Variants in TMEM132A observed in about 807,000 individuals in gnomAD.
TMEM132A encodes the protein transmembrane protein 132A, also known as GRP78-binding protein.
In TMEM132A, 48 loss-of-function variants were observed where a neutral mutation model predicts 69.9. The observed-to-expected ratio is 0.69, with a 90% CI of 0.55 to 0.87. The LOEUF is 0.87. Among genes scored for constraint, TMEM132A ranks in the 40% least tolerant of loss-of-function variants. The pLI is 0.00. For missense variants in TMEM132A, 1,287 were observed against 1,407.2 expected (o/e 0.91, Z 1.37); for synonymous variants, 577 against 613.7 (o/e 0.94, Z 0.88).
intron 3 of TMEM132A, among the ~76,000 whole-genome samples, chr11:60,928,274 G>A (rs1042320963): frequency 1.3e-5 from 2 of 152,168 alleles, no homozygotes; most frequent in Non-Finnish European, 2.9e-5. Context: ...GTCTAGCACA[G>A]GAATCCATGG....
At position 60,930,594 on chromosome 11, in the gene TMEM132A, G is replaced by A; in HGVS notation, c.951G>A (p.Lys317=). The part of the protein sequence containing the change: ...TLWTAKLDRF[K]GSRHHTTLIT... Reference sequence around the variant, plus strand: ...GGACTGCCAAGCTGGACCGCTTCAAGGGCTCCAGGCACCACACCACCCTCA... The same window carrying A: ...GGACTGCCAAGCTGGACCGCTTCAAAGGCTCCAGGCACCACACCACCCTCA... Residue 317 remains lysine (K), a synonymous_variant, in exon 5 of 11, where the codon AAG becomes AAA. Transcript: ENST00000453848. The A allele has an allele frequency of 6.2e-7, 1 of 1,613,554 alleles. No homozygotes were observed. The highest frequency in any genetic ancestry group is 8.5e-7 in the Non-Finnish European group (1 of 1,179,810).
Position 60,931,673 on chromosome 11 carries a change from C to A in TMEM132A, c.1017-16C>A. ...GCTAGCAAGCATTTGGCTTCTCTGTCTCCTTTGGCCAGCAGTCCCCTTGAA... is the reference window on the plus strand; with the variant it reads ...GCTAGCAAGCATTTGGCTTCTCTGTATCCTTTGGCCAGCAGTCCCCTTGAA... On this transcript the variant is annotated splice_polypyrimidine_tract_variant and intron_variant, in intron 5 of 10. Transcript: ENST00000453848. 1 of 1,593,098 alleles carries A rather than the reference C, an allele frequency of 6.3e-7. No homozygotes were observed.
In TMEM132A at chr11:60,928,927, G is replaced by A. The variant is rs61751216; in HGVS notation, c.833G>A (p.Arg278Gln). The A allele has an allele frequency of 0.032, 50,839 of 1,612,602 alleles. 994 individuals carry two copies. Among genetic ancestry groups the A allele is most frequent in the Non-Finnish European group, 0.039 (45,431 of 1,180,004 alleles). The change falls in exon 4 of 11, where the codon CGG becomes CAG. Residue 278 changes from arginine (R) to glutamine (Q), a missense_variant. Physicochemically the swap from Arg to Gln is conservative, Grantham distance 43 (BLOSUM62 1). Coordinates refer to ENST00000453848, the MANE Select transcript of TMEM132A (RefSeq NM_178031.3). Reference sequence around the variant, plus strand: ...CTCTTTAGTGCTACCCTCCTGCTTCGGCACAACTTCACAGCCAGCCTCCTG... The same window carrying A: ...CTCTTTAGTGCTACCCTCCTGCTTCAGCACAACTTCACAGCCAGCCTCCTG... Reference protein sequence around the residue: ...GQLFSATLLLRHNFTASLLTL... With the variant: ...GQLFSATLLLQHNFTASLLTL...
chr11:60,924,537 G>C lies in TMEM132A; in HGVS notation c.-97G>C. 1 of 900,388 alleles carries C rather than the reference G, an allele frequency of 1.1e-6. No homozygotes were observed. Among genetic ancestry groups the C allele is most frequent in the East Asian group, 3.4e-5 (1 of 29,056 alleles). The allele number at this position is 900,388 out of a possible 1,614,324, so 55.8% of individuals were successfully genotyped here. A position where few individuals can be genotyped will look rare whatever the true frequency, so the allele number is the denominator to read the frequency against. On this transcript the variant is annotated 5_prime_UTR_variant, in exon 1 of 11. Transcript: ENST00000453848. Reference sequence around the variant, plus strand: ...GCGGCGGCGGCGGCCGGGACCCAGCGGGCCAGGTGGGGACGGCGCGGAGCG... The same window carrying C: ...GCGGCGGCGGCGGCCGGGACCCAGCCGGCCAGGTGGGGACGGCGCGGAGCG...
At position 60,934,531 on chromosome 11, in the gene TMEM132A, C is replaced by T; in HGVS notation, c.1603C>T (p.Arg535Cys). 5.5e-6 allele frequency: 8 copies of T among 1,461,492 alleles called. No individual in the cohort carries two copies. The highest frequency in any genetic ancestry group is 2.4e-4 in the Middle Eastern group (1 of 4,104). 90.5% of individuals were successfully genotyped at this position (1,461,492 alleles called of 1,614,324 possible). A position where few individuals can be genotyped will look rare whatever the true frequency, so the allele number is the denominator to read the frequency against. Residue 535 changes from arginine (R) to cysteine (C), a missense_variant, in exon 9 of 11, where the codon CGC (arginine) becomes TGC (cysteine). Arg to Cys is a radical substitution (Grantham distance 180, BLOSUM62 -3). Transcript: ENST00000453848. The part of the protein sequence containing the change: ...AAEASDEAER[R>C]ARGCHLQYQR... ...AGAGGCGTCGGATGAGGCCGAGCGG[C>T]GCGCCCGTGGCTGCCACCTGCAGTA... is the stretch of plus-strand genomic sequence containing the variant.
rs760709506 is a variant in TMEM132A at position 60,935,819 on chromosome 11, G to T, written c.2029-45G>T. Reference sequence around the variant, plus strand: ...GTGGGAGTGGTTTCTCTGTGCATGCGTGCGTGCCCTCGCATGTCTCTGCCT... The same window carrying T: ...GTGGGAGTGGTTTCTCTGTGCATGCTTGCGTGCCCTCGCATGTCTCTGCCT... On this transcript the variant is annotated intron_variant, in intron 10 of 10. Coordinates refer to ENST00000453848, the MANE Select transcript of TMEM132A (RefSeq NM_178031.3). This position sits in a 1 kb window ranked among gnomAD's most constrained non-coding sequence, Gnocchi z 5.0. 6.3e-6 allele frequency: 10 copies of T among 1,598,082 alleles called. No individual in the cohort carries two copies. Among genetic ancestry groups the T allele is most frequent in the Non-Finnish European group, 8.5e-6 (10 of 1,173,530 alleles).
At chr11:60,934,041 C>A in intron 8 of TMEM132A, 1 of 474,824 alleles carries the variant, frequency 2.1e-6, no homozygotes, top group Non-Finnish European at 3.7e-6. Flanking sequence ...GCTCCTCCCC[C>A]GAGAATGTCA....
chr11:60,924,540 C>A lies in TMEM132A; in HGVS notation c.-94C>A. ...GCGGCGGCGGCCGGGACCCAGCGGGCCAGGTGGGGACGGCGCGGAGCGGGT... is the reference window on the plus strand; with the variant it reads ...GCGGCGGCGGCCGGGACCCAGCGGGACAGGTGGGGACGGCGCGGAGCGGGT... On this transcript the variant is annotated 5_prime_UTR_variant, in exon 1 of 11. Coordinates refer to ENST00000453848, the MANE Select transcript of TMEM132A (RefSeq NM_178031.3). 2.0e-6 allele frequency: 2 copies of A among 993,054 alleles called. No homozygotes were observed. The highest frequency in any genetic ancestry group is 2.8e-6 in the Non-Finnish European group (2 of 722,054). The allele number at this position is 993,054 out of a possible 1,614,324, so 61.5% of individuals were successfully genotyped here. A position where few individuals can be genotyped will look rare whatever the true frequency, so the allele number is the denominator to read the frequency against.
Position 60,932,057 on chromosome 11 carries a change from A to G in TMEM132A, c.1286A>G (p.Asp429Gly). The G allele has an allele frequency of 8.2e-6, 13 of 1,592,374 alleles. No homozygotes were observed. The highest frequency in any genetic ancestry group is 1.1e-5 in the Non-Finnish European group (13 of 1,170,176). The change falls in exon 7 of 11, where the codon GAC becomes GGC. Residue 429 changes from aspartate to glycine, a missense_variant. Asp to Gly is a moderately conservative substitution (Grantham distance 94). Transcript: ENST00000453848. The stretch of plus-strand genomic sequence containing the variant: ...GTCCCCGTGCGCCTTGTCACTGTGG[A>G]CGGCGGGGGGGCCTTGGTGGAGGTG... ...QHVPVRLVTV[D>G]GGGALVEVTE...
Position 60,927,797 on chromosome 11 carries a change from C to T in TMEM132A, c.472C>T (p.Pro158Ser). 1.2e-6 allele frequency: 2 copies of T among 1,612,596 alleles called. No homozygotes were observed. Among genetic ancestry groups the T allele is most frequent in the Non-Finnish European group, 8.5e-7 (1 of 1,179,986 alleles). The change falls in exon 3 of 11, where the codon CCC (proline) becomes TCC (serine). Residue 158 changes from proline to serine, a missense_variant. By Grantham distance (74) the Pro-to-Ser change is moderately conservative. Coordinates refer to ENST00000453848, the MANE Select transcript of TMEM132A (RefSeq NM_178031.3). Reference sequence around the variant, plus strand: ...TTGGCCACCAGGGTCTGGCAGCCTGCCCTGTGCCCGGCTCCATGCCACACA... The same window carrying T: ...TTGGCCACCAGGGTCTGGCAGCCTGTCCTGTGCCCGGCTCCATGCCACACA... Reference protein sequence around the residue: ...QDWPPGSGSLPCARLHATHPA... With the variant: ...QDWPPGSGSLSCARLHATHPA...
rs1856401732 is a variant in TMEM132A, at chr11:60,928,633, C to A, written c.539C>A (p.Ser180Tyr). ...TAHQACRFQP[S>Y]LGACVVELEL... Reference sequence around the variant, plus strand: ...ACTGCTGTCGTGTCTTCACAGCCATCCCTGGGCGCCTGCGTGGTGGAGCTG... The same window carrying A: ...ACTGCTGTCGTGTCTTCACAGCCATACCTGGGCGCCTGCGTGGTGGAGCTG... The change falls in exon 4 of 11, where the codon TCC (serine) becomes TAC (tyrosine). Residue 180 changes from serine to tyrosine, a missense_variant. Ser to Tyr is a moderately radical substitution (Grantham distance 144). Transcript: ENST00000453848. 1 of 1,607,938 alleles carries A rather than the reference C, an allele frequency of 6.2e-7. No homozygotes were observed. Among genetic ancestry groups the A allele is most frequent in the South Asian group, 1.1e-5 (1 of 90,930 alleles).
At chr11:60,933,854 T>C in intron 8 of TMEM132A, 110 bp downstream of exon 8, 1 of 1,002,036 alleles carries the variant, frequency 1.0e-6, no homozygotes, top group Non-Finnish European at 1.4e-6. Flanking sequence ...AACTGCCCTG[T>C]TGCTTGCAGT....
Position 60,930,615 on chromosome 11 carries a change from C to G in TMEM132A, c.972C>G (p.Thr324=). The change falls in exon 5 of 11, where the codon ACC becomes ACG. Residue 324 remains threonine (T), a synonymous_variant. Coordinates refer to ENST00000453848, the MANE Select transcript of TMEM132A (RefSeq NM_178031.3). ...TCAAGGGCTCCAGGCACCACACCAC[C>G]CTCATCACCTGCCACCGTGCTGGGC... ...DRFKGSRHHT[T]LITCHRAGLT... The G allele has an allele frequency of 1.2e-6, 2 of 1,613,472 alleles. No homozygotes were observed. The highest frequency in any genetic ancestry group is 1.1e-5 in the South Asian group (1 of 91,008).
At position 60,936,917 on chromosome 11, in the gene TMEM132A, G is replaced by A; in HGVS notation, c.*10G>A. ...CCGGGGCAGCTCCTGACCCTCCACAGCCACCTGGTCAGCCACCAGCTGGGG... is the reference window on the plus strand; with the variant it reads ...CCGGGGCAGCTCCTGACCCTCCACAACCACCTGGTCAGCCACCAGCTGGGG... On this transcript the variant is annotated 3_prime_UTR_variant, in exon 11 of 11. Coordinates refer to ENST00000453848, the MANE Select transcript of TMEM132A (RefSeq NM_178031.3). The A allele has an allele frequency of 6.6e-7, 1 of 1,518,702 alleles. No homozygotes were observed. The highest frequency in any genetic ancestry group is 2.2e-5 in the Admixed American group (1 of 45,792). 94.1% of individuals were successfully genotyped at this position (1,518,702 alleles called of 1,614,324 possible).
Position 60,927,645 on chromosome 11 carries a change from TC to T in TMEM132A, c.326del (p.Pro109LeufsTer24). The T allele has an allele frequency of 1.2e-6, 2 of 1,608,888 alleles. No homozygotes were observed. Reference protein sequence around the residue: ...SYPPFATQQVVPPRVTEPHQR... With the variant: ...SYPPFATQQVXPPRVTEPHQR... ...GCCCTCTCATTCTCCCTCCAGGTGG[TC>T]CCCCCTCGAGTCACTGAGCCCCACC... On this transcript the variant is annotated frameshift_variant, in exon 3 of 11. Coordinates refer to ENST00000453848, the MANE Select transcript of TMEM132A (RefSeq NM_178031.3). LOFTEE classifies it high-confidence loss of function.
At position 60,935,455 on chromosome 11, in the gene TMEM132A, G is replaced by A. The variant is rs756674590; in HGVS notation, c.2028+12G>A. 1.9e-6 allele frequency: 3 copies of A among 1,587,078 alleles called. No individual in the cohort carries two copies. In the Admixed American group the frequency reaches 5.4e-5, roughly 29 times the overall value. ...CCGCCCCAAAGCAGGTGACAGTTGG[G>A]GGGTCAGGGGGATGAGGTCAACATC... is the stretch of plus-strand genomic sequence containing the variant. On this transcript the variant is annotated intron_variant, in intron 10 of 10. Coordinates refer to ENST00000453848, the MANE Select transcript of TMEM132A (RefSeq NM_178031.3). This position sits in a 1 kb window ranked among gnomAD's most constrained non-coding sequence, Gnocchi z 5.0.
At chr11:60,927,161 A>C in intron 1 of TMEM132A, 43 bp from the exon 2 acceptor site, 1 of 1,567,464 alleles carries the variant, frequency 6.4e-7, no homozygotes, top group South Asian at 1.1e-5. Context: ...AGCCCCTGCC[A>C]GCTCTGGAGC....
At chr11:60,928,483 T>C in intron 3 of TMEM132A, 146 bp from the exon 4 acceptor site, 1 of 740,798 alleles carries the variant, frequency 1.3e-6, no homozygotes, top group South Asian at 1.8e-5. Flanking sequence ...TGGTTTGCTG[T>C]GTCACTCAGG....
At position 60,936,756 on chromosome 11, in the gene TMEM132A, C is replaced by T. The variant is rs1263201297; in HGVS notation, c.2921C>T (p.Ala974Val). The T allele has an allele frequency of 6.2e-7, 1 of 1,610,024 alleles. No individual in the cohort carries two copies. The highest frequency in any genetic ancestry group is 8.5e-7 in the Non-Finnish European group (1 of 1,178,488). Residue 974 changes from alanine to valine, a missense_variant, in exon 11 of 11, where the codon GCC becomes GTC. Ala to Val is a moderately conservative substitution (Grantham distance 64, BLOSUM62 0). Coordinates refer to ENST00000453848, the MANE Select transcript of TMEM132A (RefSeq NM_178031.3). The part of the protein sequence containing the change: ...EFVTFAPAPP[A>V]QSPEEPVGAP... The stretch of plus-strand genomic sequence containing the variant: ...GTGACATTTGCGCCAGCCCCTCCAG[C>T]CCAGTCACCTGAGGAGCCTGTAGGG...
Sources: allele counts gnomAD v4.1 joint callset (sites outside exome capture counted in the v4.1 genomes callset), GRCh38; gene constraint gnomAD v4.1.1; non-coding constraint Gnocchi (gnomAD v3.1); transcripts MANE v1.5; gene names NCBI Gene and HGNC (gene_info 2026-07-23, HGNC 2026-07-21).